KIF26B: variants seen among roughly 807,000 people sequenced by gnomAD.
KIF26B encodes kinesin family member 26B, also known as kinesin-like protein KIF26B.
In KIF26B, 63 loss-of-function variants were observed where a neutral mutation model predicts 151.2. That is an observed-to-expected ratio of 0.42 (90% CI 0.34 to 0.51). KIF26B has a LOEUF of 0.51. Among genes scored for constraint, KIF26B ranks in the 20% least tolerant of loss-of-function variants. The pLI, the probability that KIF26B is intolerant of heterozygous loss-of-function variation, is 0.07. For synonymous variants in KIF26B, 1,357 were observed against 1,262.1 expected (o/e 1.08, Z -1.59); for missense variants, 2,813 against 2,913.6 (o/e 0.97, Z 0.79).
chr1:245,690,160 C>T (rs2044605763), intron 12 of KIF26B, among the ~76,000 whole-genome samples: 2 of 152,106 alleles, frequency 1.3e-5, no homozygotes, highest in South Asian at 4.2e-4. Flanking sequence ...AAGAAATTAC[C>T]CCTGCTCATC....
chr1:245,251,231 T>C (rs1670439230), intron 2 of KIF26B, among the ~76,000 whole-genome samples: 1 of 152,204 alleles, frequency 6.6e-6, no homozygotes, highest in Non-Finnish European at 1.5e-5. Context: ...ACACTATTTG[T>C]ACAAATATTT....
intron 2 of KIF26B, among the ~76,000 whole-genome samples, chr1:245,163,473 A>T (rs999156186): frequency 6.6e-6 from 1 of 152,092 alleles, no homozygotes; most frequent in Non-Finnish European, 1.5e-5. Context: ...GCTCTGTAGC[A>T]TGTTTTCATG....
intron 2 of KIF26B, among the ~76,000 whole-genome samples, chr1:245,256,487 G>A (rs1288016184): frequency 6.6e-6 from 1 of 152,226 alleles, no homozygotes; most frequent in East Asian, 1.9e-4. Flanking sequence ...GAGGTCCTGT[G>A]TCCTTGCCCC....
At chr1:245,157,204 G>A (rs750955859) in intron 2 of KIF26B, among the ~76,000 whole-genome samples, 4 of 152,232 alleles carry the variant, frequency 2.6e-5, no homozygotes, top group Non-Finnish European at 5.9e-5. Context: ...TGTGTCTGAG[G>A]AAGATCCGGA....
rs1428070726 is a variant in KIF26B at position 245,540,760 on chromosome 1, A to G, written c.1167-7A>G. On this transcript the variant is annotated splice_region_variant and splice_polypyrimidine_tract_variant and intron_variant, in intron 4 of 14. Coordinates refer to ENST00000407071, the MANE Select transcript of KIF26B (RefSeq NM_018012.4). This position sits in a 1 kb window ranked among gnomAD's most constrained non-coding sequence, Gnocchi z 4.6. ...TTTTCCCCTTATTGTTCCTTTTTCC[A>G]CTCCAGAGCTGCCCAGAAGTTAAAT... 6.2e-7 allele frequency: 1 copy of G among 1,612,680 alleles called. No individual in the cohort carries two copies.
At chr1:245,583,624 C>T (rs765504160) in intron 5 of KIF26B, among the ~76,000 whole-genome samples, 12 of 152,152 alleles carry the variant, frequency 7.9e-5, no homozygotes, top group Admixed American at 6.5e-4. Flanking sequence ...CCAATGCTGC[C>T]GGAGGACCTG....
intron 4 of KIF26B, among the ~76,000 whole-genome samples, chr1:245,452,536 T>C (rs1030671265): frequency 6.6e-6 from 1 of 152,214 alleles, no homozygotes; most frequent in African/African-American, 2.4e-5. Flanking sequence ...CCACAGCGGC[T>C]GCCCATTTTA....
intron 9 of KIF26B, among the ~76,000 whole-genome samples, chr1:245,621,776 C>T (rs1185233725): frequency 6.6e-6 from 1 of 152,248 alleles, no homozygotes; most frequent in African/African-American, 2.4e-5. Context: ...TGTACTATTT[C>T]AAGTTAAGCA....
chr1:245,322,337 A>G (rs1355817497), intron 2 of KIF26B, among the ~76,000 whole-genome samples: 1 of 152,168 alleles, frequency 6.6e-6, no homozygotes, highest in Non-Finnish European at 1.5e-5. Context: ...ATGTATACCT[A>G]TGTAACAAAC....
At position 245,686,360 on chromosome 1, in the gene KIF26B, C is replaced by A. The variant is rs546857013; in HGVS notation, c.3377C>A (p.Thr1126Lys). 6.2e-7 allele frequency: 1 copy of A among 1,613,328 alleles called. No homozygotes were observed. Among genetic ancestry groups the A allele is most frequent in the Non-Finnish European group, 8.5e-7 (1 of 1,179,870 alleles). ...RESLLQPEVRTPPVGMSPQVL... is the reference protein window; with the variant it reads ...RESLLQPEVRKPPVGMSPQVL... Reference sequence around the variant, plus strand: ...TCCTTGCTGCAGCCCGAGGTGCGTACGCCCCCGGTTGGAATGAGCCCCCAG... The same window carrying A: ...TCCTTGCTGCAGCCCGAGGTGCGTAAGCCCCCGGTTGGAATGAGCCCCCAG... The change falls in exon 12 of 15, where the codon ACG becomes AAG. Residue 1126 changes from threonine to lysine, a missense_variant. Around this residue, in one of 3 missense-constraint regions of KIF26B, gnomAD observed 2,060 missense variants for 2,088.6 expected, o/e 0.99. Transcript: ENST00000407071. The surrounding 1 kb of genome is among the most constrained non-coding windows in gnomAD (Gnocchi z 5.6).
chr1:245,556,212 T>C (rs1257490288), intron 5 of KIF26B, among the ~76,000 whole-genome samples: 2 of 151,122 alleles, frequency 1.3e-5, no homozygotes, highest in Admixed American at 6.6e-5. Context: ...TCTCTTCTTC[T>C]TCCTCCTCCT....
chr1:245,490,528 G>C (rs1026701790), intron 4 of KIF26B, among the ~76,000 whole-genome samples: 1 of 151,970 alleles, frequency 6.6e-6, no homozygotes. Context: ...GGCTGGGATG[G>C]TCTCGATCTC....
At chr1:245,480,616 G>A (rs967434723) in intron 4 of KIF26B, among the ~76,000 whole-genome samples, 1 of 151,694 alleles carries the variant, frequency 6.6e-6, no homozygotes, top group Non-Finnish European at 1.5e-5. Context: ...AGCTGGCAGA[G>A]TGACCGGGTA....
rs149649213 is a variant in KIF26B, at chr1:245,611,908, G to A, written c.2030G>A (p.Arg677His). ...CAGGACTGTGATGAGGACGACCACC[G>A]CAACTCACACGTGTTCTTCACACTG... Reference protein sequence around the residue: ...HQQDCDEDDHRNSHVFFTLHI... With the variant: ...HQQDCDEDDHHNSHVFFTLHI... Residue 677 changes from arginine (R) to histidine (H), a missense_variant, in exon 9 of 15, where the codon CGC becomes CAC. Physicochemically the swap from Arg to His is conservative, Grantham distance 29 (BLOSUM62 0). Transcript: ENST00000407071. 1.7e-5 allele frequency: 27 copies of A among 1,613,780 alleles called. No individual in the cohort carries two copies. Among genetic ancestry groups the A allele is most frequent in the African/African-American group, 9.3e-5 (7 of 75,030 alleles).
At chr1:245,246,278 G>A (rs1670329408) in intron 2 of KIF26B, among the ~76,000 whole-genome samples, 1 of 152,124 alleles carries the variant, frequency 6.6e-6, no homozygotes. Context: ...CTTTTTAGGT[G>A]GAGCCCCCTG....
At chr1:245,462,426 C>T (rs1659671664) in intron 4 of KIF26B, among the ~76,000 whole-genome samples, 1 of 152,166 alleles carries the variant, frequency 6.6e-6, no homozygotes, top group African/African-American at 2.4e-5. Context: ...GCAGTGACTT[C>T]CTAGCGCATT....
At chr1:245,674,459 G>T (rs2044332728) in intron 10 of KIF26B, among the ~76,000 whole-genome samples, 1 of 152,212 alleles carries the variant, frequency 6.6e-6, no homozygotes, top group Non-Finnish European at 1.5e-5. Context: ...TGCTCAGTAA[G>T]TGCACAGGGT....
intron 9 of KIF26B, among the ~76,000 whole-genome samples, chr1:245,621,017 G>T (rs1043804112): frequency 1.3e-5 from 2 of 152,122 alleles, no homozygotes; most frequent in African/African-American, 4.8e-5. Flanking sequence ...TGGCCAGGTG[G>T]TAAGGCAGTG....
At chr1:245,590,743 A>C (rs1272979266) in intron 5 of KIF26B, among the ~76,000 whole-genome samples, 3 of 152,046 alleles carry the variant, frequency 2.0e-5, no homozygotes, top group Non-Finnish European at 4.4e-5. Flanking sequence ...CCCTGTCTGT[A>C]CAAGAAATTT....
Sources: allele counts gnomAD v4.1 joint callset (sites outside exome capture counted in the v4.1 genomes callset), GRCh38; gene constraint gnomAD v4.1.1; regional missense constraint gnomAD v4.1.1; non-coding constraint Gnocchi (gnomAD v3.1); transcripts MANE v1.5; gene names NCBI Gene and HGNC (gene_info 2026-07-23, HGNC 2026-07-21).